Variants in MTMR1 observed in about 807,000 individuals in gnomAD.
MTMR1 encodes the protein myotubularin related protein 1, also known as phosphatidylinositol-3-phosphate phosphatase MTMR1.
A neutral mutation model predicts 51.6 loss-of-function variants in MTMR1; 17 were observed. That is an observed-to-expected ratio of 0.33 (90% CI 0.23 to 0.49). MTMR1 has a LOEUF of 0.49. MTMR1 is among the 20% of genes least tolerant of loss of function. The pLI, the probability that MTMR1 is intolerant of heterozygous loss-of-function variation, is 0.99. For missense variants in MTMR1, 386 were observed against 526.9 expected (o/e 0.73, Z 2.62); for synonymous variants, 201 against 205.6 (o/e 0.98, Z 0.19).
chrX:150,696,845 A>G (rs1356872605), intron 1 of MTMR1, among the ~76,000 whole-genome samples: 1 of 111,746 alleles, frequency 8.9e-6, no homozygotes, highest in African/African-American at 3.3e-5. Flanking sequence ...TCCAAGGGGA[A>G]AAGTCTGGGA....
intron 12 of MTMR1, among the ~76,000 whole-genome samples, chrX:150,741,074 T>A (rs4828778): frequency 9.0e-6 from 1 of 110,877 alleles, no homozygotes; most frequent in South Asian, 3.8e-4. Context: ...GTAGCCTTTC[T>A]GCAACCTAGC....
At chrX:150,732,878 T>C in intron 10 of MTMR1, 148 bp downstream of exon 10, 1 of 537,241 alleles carries the variant, frequency 1.9e-6, no homozygotes. Context: ...TGGTGTATGC[T>C]CCTTGGGCTG....
Position 150,727,207 on chromosome X carries a change from T to C in MTMR1, c.353-8T>C, listed in dbSNP as rs1244047155. 1 of 1,183,381 alleles carries C rather than the reference T, an allele frequency of 8.5e-7. No homozygotes were observed. The highest frequency in any genetic ancestry group is 1.1e-6 in the Non-Finnish European group (1 of 875,037). ...GCAGTAGTTGCTACTTTGGCCTTTT[T>C]CTTTCAGTGAAAGATGTCATGTATA... On this transcript the variant is annotated splice_polypyrimidine_tract_variant and splice_region_variant and intron_variant, in intron 4 of 15. Transcript: ENST00000445323.
At chrX:150,734,003 C>T (rs1302022855) in intron 10 of MTMR1, among the ~76,000 whole-genome samples, 1 of 112,026 alleles carries the variant, frequency 8.9e-6, no homozygotes, top group Non-Finnish European at 1.9e-5. Flanking sequence ...GCTTACAGCA[C>T]CAGAAATGTA....
At chrX:150,751,008 A>G in intron 14 of MTMR1, 165 bp downstream of exon 14, 1 of 1,152,694 alleles carries the variant, frequency 8.7e-7, no homozygotes, top group South Asian at 2.0e-5. Flanking sequence ...CATGTGTCTA[A>G]CACAAGCCCC....
chrX:150,759,230 C>G (rs782177340), intron 15 of MTMR1, among the ~76,000 whole-genome samples: 1 of 112,715 alleles, frequency 8.9e-6, no homozygotes, highest in Non-Finnish European at 1.9e-5. Context: ...GCACCTTCCT[C>G]TTCACTGATG....
rs908507261 is a variant in MTMR1 at position 150,732,843 on chromosome X, T to C, written c.1080+113T>C. ...CCTCACCACCTGAAGTTAGAATCAT[T>C]TGGAGTCCCATAGCTATTCCTCCCT... On this transcript the variant is annotated intron_variant, in intron 10 of 15. Coordinates refer to ENST00000445323, the MANE Select transcript of MTMR1 (RefSeq NM_001306144.3). The C allele has an allele frequency of 9.3e-6, 7 of 754,254 alleles. No homozygotes were observed. The Admixed American group carries it at 1.1e-4, about 11-fold the overall frequency. 62.2% of individuals were successfully genotyped at this position (754,254 alleles called of 1,213,427 possible).
chrX:150,736,194 A>G (rs2042264147), intron 10 of MTMR1: 1 of 125,759 alleles, frequency 8.0e-6, no homozygotes, highest in African/African-American at 3.2e-5. Flanking sequence ...CCTTAGAAGA[A>G]GAGGAGAAGA....
intron 15 of MTMR1, among the ~76,000 whole-genome samples, chrX:150,760,381 A>G (rs1273635350): frequency 9.0e-6 from 1 of 110,557 alleles, no homozygotes; most frequent in Non-Finnish European, 1.9e-5. Flanking sequence ...CTTTTCTCTG[A>G]GAAGGCAGTG....
At chrX:150,761,604 G>C in intron 15 of MTMR1, among the ~76,000 whole-genome samples, 1 of 112,866 alleles carries the variant, frequency 8.9e-6, no homozygotes, top group East Asian at 2.8e-4. Flanking sequence ...GCCTGGCTGA[G>C]GCTTAGGAGC....
intron 1 of MTMR1, among the ~76,000 whole-genome samples, chrX:150,693,887 C>G (rs2040575332): frequency 9.2e-6 from 1 of 109,187 alleles, no homozygotes; most frequent in Non-Finnish European, 1.9e-5. Context: ...CTGCTGCGGG[C>G]CGCGCACCTG....
At chrX:150,756,355 C>T (rs1395633285) in intron 15 of MTMR1, among the ~76,000 whole-genome samples, 1 of 111,966 alleles carries the variant, frequency 8.9e-6, no homozygotes, top group Admixed American at 9.4e-5. Flanking sequence ...CTCCCCACCA[C>T]ACTTTTTCAC....
At chrX:150,699,465 ATT>A (rs1478755156) in intron 2 of MTMR1, among the ~76,000 whole-genome samples, 165 bp downstream of exon 2, 4 of 112,541 alleles carry the variant, frequency 3.6e-5, no homozygotes, top group Non-Finnish European at 7.5e-5. Context: ...TAGAAGAGAA[ATT>A]TTACCAGTAT....
At chrX:150,730,255 T>C (rs782073838) in intron 7 of MTMR1, 45 bp downstream of exon 7, 52 of 901,546 alleles carry the variant, frequency 5.8e-5, no homozygotes, top group Non-Finnish European at 7.8e-5. Flanking sequence ...TTTGTGGGGG[T>C]CCAAATATCC....
Position 150,762,858 on chromosome X carries a change from G to C in MTMR1, c.*129G>C. The C allele has an allele frequency of 2.5e-6, 2 of 789,818 alleles. No homozygotes were observed. The highest frequency in any genetic ancestry group is 3.4e-6 in the Non-Finnish European group (2 of 591,476). The allele number at this position is 789,818 out of a possible 1,213,427, so 65.1% of individuals were successfully genotyped here. On this transcript the variant is annotated 3_prime_UTR_variant, in exon 16 of 16. Coordinates refer to ENST00000445323, the MANE Select transcript of MTMR1 (RefSeq NM_001306144.3). ...GGCCCAGGGACCATTTGTGTGGCTAGGTGACAGCTCCCACTGTTGGCAACC... is the reference window on the plus strand; with the variant it reads ...GGCCCAGGGACCATTTGTGTGGCTACGTGACAGCTCCCACTGTTGGCAACC...
At chrX:150,730,870 C>T (rs1410526825) in intron 8 of MTMR1, among the ~76,000 whole-genome samples, 4 of 111,691 alleles carry the variant, frequency 3.6e-5, no homozygotes, top group Non-Finnish European at 7.5e-5. Flanking sequence ...CCAAATTTGC[C>T]AGATGGTTTT....
intron 13 of MTMR1, among the ~76,000 whole-genome samples, chrX:150,748,046 T>C (rs1347149097): frequency 4.5e-5 from 5 of 111,862 alleles, no homozygotes; most frequent in African/African-American, 9.7e-5. Flanking sequence ...TCCTGGTTCA[T>C]AGATTAGCTG....
intron 3 of MTMR1, among the ~76,000 whole-genome samples, chrX:150,717,555 A>G (rs1557416441): frequency 1.8e-5 from 2 of 110,268 alleles, no homozygotes; most frequent in African/African-American, 3.3e-5. Flanking sequence ...TTCATGACAC[A>G]TTATGTCAGA....
chrX:150,735,172 TC>T (rs1212377609), intron 10 of MTMR1, among the ~76,000 whole-genome samples: 1 of 111,608 alleles, frequency 9.0e-6, no homozygotes, highest in Non-Finnish European at 1.9e-5. Flanking sequence ...CCCTATACCC[TC>T]CTAAAGGAAC....
Sources: allele counts gnomAD v4.1 joint callset (sites outside exome capture counted in the v4.1 genomes callset), GRCh38; gene constraint gnomAD v4.1.1; transcripts MANE v1.5; gene names NCBI Gene and HGNC (gene_info 2026-07-23, HGNC 2026-07-21).